CYP2C8: variants seen among roughly 807,000 people sequenced by gnomAD.
The protein encoded by CYP2C8 is cytochrome P450 2C8.
In CYP2C8, 51 loss-of-function variants were observed where a neutral mutation model predicts 41.3. The ratio of observed to expected loss-of-function variants is 1.24; its 90% CI spans 0.99 to 1.56. The LOEUF is 1.56. Among genes scored for constraint, CYP2C8 ranks in the 40% most tolerant of loss-of-function variants. CYP2C8 has a pLI of 0.00. For missense variants in CYP2C8, 651 were observed against 579.9 expected (o/e 1.12, Z -1.26); for synonymous variants, 218 against 205.8 (o/e 1.06, Z -0.51).
chr10:95,058,412 C>A lies in CYP2C8; in HGVS notation c.742G>T (p.Val248Leu). The A allele has an allele frequency of 6.2e-7, 1 of 1,613,498 alleles. No individual in the cohort carries two copies. The highest frequency in any genetic ancestry group is 8.5e-7 in the Non-Finnish European group (1 of 1,179,694). ...ALTRSYIREK[V>L]KEHQASLDVN... is the part of the protein sequence containing the mutation. ...TCCAGTGATGCTTGGTGTTCTTTTA[C>A]TTTCTCCCTAATGTAACTTCGTGTA... The change falls in exon 5 of 9, where the codon GTA becomes TTA. Residue 248 changes from valine (V) to leucine (L), a missense_variant. Val to Leu is a conservative substitution (Grantham distance 32). Transcript: ENST00000371270.
At chr10:95,062,719 C>T (rs2033465256) in intron 4 of CYP2C8, among the ~76,000 whole-genome samples, 1 of 152,192 alleles carries the variant, frequency 6.6e-6, no homozygotes, top group Non-Finnish European at 1.5e-5. Flanking sequence ...TTAGTTGATG[C>T]AGTTTCTTCC....
chr10:95,062,558 C>G (rs182712619), intron 4 of CYP2C8, among the ~76,000 whole-genome samples: 64 of 152,226 alleles, frequency 4.2e-4, no homozygotes, highest in Middle Eastern at 3.4e-3. Flanking sequence ...TGGGTTTCCT[C>G]AATACAGCAC....
intron 3 of CYP2C8, among the ~76,000 whole-genome samples, chr10:95,065,745 G>C (rs1157168342): frequency 6.6e-6 from 1 of 152,024 alleles, no homozygotes; most frequent in Non-Finnish European, 1.5e-5. Flanking sequence ...ATATTATTCA[G>C]TATAGTCATC....
At chr10:95,047,802 C>A (rs1353545040) in intron 5 of CYP2C8, among the ~76,000 whole-genome samples, 5 of 152,122 alleles carry the variant, frequency 3.3e-5, no homozygotes, top group Non-Finnish European at 1.5e-5. Context: ...AAGAACTCCA[C>A]CCCCCTCAAA....
At chr10:95,068,493 A>G in intron 1 of CYP2C8, 2 of 786,562 alleles carry the variant, frequency 2.5e-6, no homozygotes, top group Non-Finnish European at 3.7e-6. Context: ...CAGCCATCAA[A>G]TGAATCTTCA....
chr10:95,059,545 C>T (rs9702453), intron 4 of CYP2C8, among the ~76,000 whole-genome samples: 57,405 of 151,828 alleles, frequency 0.38, 11,219 homozygotes, highest in Middle Eastern at 0.51. Flanking sequence ...GGATATTAGC[C>T]CTTTGTCAGA....
chr10:95,067,090 G>C (rs1030167912), intron 3 of CYP2C8, 118 bp downstream of exon 3: 2 of 1,405,510 alleles, frequency 1.4e-6, no homozygotes, highest in East Asian at 4.6e-5. Context: ...TCCACCACCT[G>C]AGGGCTGACA....
intron 6 of CYP2C8, among the ~76,000 whole-genome samples, chr10:95,044,501 T>C (rs2033069647): frequency 1.3e-5 from 2 of 152,212 alleles, no homozygotes; most frequent in Non-Finnish European, 2.9e-5. Flanking sequence ...CGGAGGTCTT[T>C]TCTCCAGACT....
chr10:95,054,611 G>A (rs938272146), intron 5 of CYP2C8, among the ~76,000 whole-genome samples: 2 of 151,970 alleles, frequency 1.3e-5, no homozygotes, highest in Non-Finnish European at 1.5e-5. Flanking sequence ...AAAGGAAGAC[G>A]TAAAACTATT....
In CYP2C8 at chr10:95,060,427, T is replaced by C. The variant is rs184452637; in HGVS notation, c.643-1916A>G. On this transcript the variant is annotated intron_variant, in intron 4 of 8. Transcript: ENST00000371270. ...GCAATTGTGAATGGAAGTTCACTCA[T>C]GATTTGGCTCTCTGTTTGTCTGTTA... is the stretch of plus-strand genomic sequence containing the variant. 1.1e-3 allele frequency among the ~76,000 whole-genome samples: 163 copies of C among 152,326 alleles called. 1 individual carries two copies. Among genetic ancestry groups the C allele is most frequent in the Non-Finnish European group, 1.6e-3 (110 of 68,032 alleles).
Position 95,036,806 on chromosome 10 carries a change from C to T in CYP2C8, c.*322G>A, listed in dbSNP as rs2032890834. 2 of 345,774 alleles carry T rather than the reference C, an allele frequency of 5.8e-6. No homozygotes were observed. The highest frequency in any genetic ancestry group is 1.1e-5 in the Non-Finnish European group (2 of 181,966). 21.4% of individuals were successfully genotyped at this position (345,774 alleles called of 1,614,324 possible). ...AATTAATAACACTTTTTATTTAGCA[C>T]ATTCACAAAAGAAATGGATCTAAAT... On this transcript the variant is annotated 3_prime_UTR_variant, in exon 9 of 9. Transcript: ENST00000371270.
chr10:95,067,354 A>T lies in CYP2C8; in HGVS notation c.335T>A (p.Ile112Asn), dbSNP rs2033592414. ...CCATCTCTTTCCATTGCTGGAAATG[A>T]TTCCTAATAAAAAAAGGGGCAGAAA... is the stretch of plus-strand genomic sequence containing the variant. The part of the protein sequence containing the change: ...ISQRITKGLG[I>N]ISSNGKRWKE... The change falls in exon 3 of 9, where the codon ATC becomes AAC. Residue 112 changes from isoleucine to asparagine, a missense_variant. Physicochemically the swap from Ile to Asn is moderately radical, Grantham distance 149. Transcript: ENST00000371270. The T allele has an allele frequency of 6.2e-7, 1 of 1,600,062 alleles. No individual in the cohort carries two copies. The highest frequency in any genetic ancestry group is 1.1e-5 in the South Asian group (1 of 90,376).
rs1050608014 is a variant in CYP2C8 at position 95,067,367 on chromosome 10, A to AT, written c.332-11_332-10insA. The AT allele has an allele frequency of 1.2e-6, 2 of 1,613,898 alleles. No homozygotes were observed. The highest frequency in any genetic ancestry group is 2.7e-5 in the African/African-American group (2 of 74,914). On this transcript the variant is annotated splice_polypyrimidine_tract_variant and intron_variant, in intron 2 of 8. Transcript: ENST00000371270. ...TTGCTGGAAATGATTCCTAATAAAA[A>AT]AAGGGGCAGAAACTGGGAGAATTCA...
rs73327356 is a variant in CYP2C8, at chr10:95,040,860, G to A, written c.1150-1822C>T. ...CAAGGATACAACTAAGCAGTCACAC[G>A]AAGAAAAGTGGAAGGAAGGGAAAGC... On this transcript the variant is annotated intron_variant, in intron 7 of 8. Coordinates refer to ENST00000371270, the MANE Select transcript of CYP2C8 (RefSeq NM_000770.3). The A allele has an allele frequency of 1.2e-3, 539 of 455,006 alleles. 2 individuals carry two copies. Among genetic ancestry groups the A allele is most frequent in the African/African-American group, 9.4e-3 (469 of 50,084 alleles). 28.2% of individuals were successfully genotyped at this position (455,006 alleles called of 1,614,324 possible). A position where few individuals can be genotyped will look rare whatever the true frequency, so the allele number is the denominator to read the frequency against.
chr10:95,063,962 A>C (rs199661819), intron 4 of CYP2C8, among the ~76,000 whole-genome samples: 3 of 152,160 alleles, frequency 2.0e-5, no homozygotes, highest in East Asian at 3.9e-4. Context: ...TGAACAGCAA[A>C]TGTTGCTGCC....
rs371878165 is a variant in CYP2C8, at chr10:95,067,901, G to A, written c.169-210C>T. On this transcript the variant is annotated intron_variant, in intron 1 of 8. Transcript: ENST00000371270. ...TGTGATGTGCCACGCAATGACCCAG[G>A]CAATTGGTACACAAATCACACAGTT... Among the ~76,000 whole-genome samples the A allele has an allele frequency of 4.6e-5, 7 of 152,232 alleles. No homozygotes were observed. The East Asian group carries it at 1.2e-3, about 25-fold the overall frequency.
chr10:95,054,491 G>A (rs1201434603), intron 5 of CYP2C8, among the ~76,000 whole-genome samples: 7 of 151,946 alleles, frequency 4.6e-5, no homozygotes, highest in African/African-American at 1.7e-4. Flanking sequence ...CCAAAATCAG[G>A]GGGAAAAGAT....
intron 8 of CYP2C8, among the ~76,000 whole-genome samples, chr10:95,038,541 G>A (rs1411615104): frequency 6.6e-6 from 1 of 152,180 alleles, no homozygotes; most frequent in Non-Finnish European, 1.5e-5. Flanking sequence ...GACACTCAAT[G>A]CAGTTGTGGA....
chr10:95,037,268 G>T lies in CYP2C8; in HGVS notation c.1333C>A (p.Leu445Ile). 6.2e-7 allele frequency: 1 copy of T among 1,613,730 alleles called. No individual in the cohort carries two copies. Among genetic ancestry groups the T allele is most frequent in the Non-Finnish European group, 8.5e-7 (1 of 1,179,820 alleles). Residue 445 changes from leucine to isoleucine, a missense_variant, in exon 9 of 9, where the codon CTA (leucine) becomes ATA (isoleucine). Physicochemically the swap from Leu to Ile is conservative, Grantham distance 5. Coordinates refer to ENST00000371270, the MANE Select transcript of CYP2C8 (RefSeq NM_000770.3). ...AAAATTGTGGTTAGAAATAAAAATA[G>T]CTCCATGCGGGCAAGTCCTTCTCCT... ...CAGEGLARMELFLFLTTILQN... is the reference protein window; with the variant it reads ...CAGEGLARMEIFLFLTTILQN...
Sources: allele counts gnomAD v4.1 joint callset (sites outside exome capture counted in the v4.1 genomes callset), GRCh38; gene constraint gnomAD v4.1.1; transcripts MANE v1.5; gene names NCBI Gene and HGNC (gene_info 2026-07-23, HGNC 2026-07-21).